The following BLTP3B variants were observed in gnomAD, a reference collection of about 807,000 sequenced individuals.
BLTP3B encodes bridge-like lipid transfer protein family member 3B, also known as UHRF1 (ICBP90) binding protein 1-like.
the BLTP3B span, among the ~76,000 whole-genome samples, chr12:100,071,675 A>C: frequency 6.6e-6 from 1 of 152,200 alleles, no homozygotes; most frequent in East Asian, 1.9e-4. Context: ...GAAGCTTCTA[A>C]AAATAAAAAT....
chr12:100,136,506 A>G, the BLTP3B span, among the ~76,000 whole-genome samples: 7 of 152,256 alleles, frequency 4.6e-5, no homozygotes, highest in African/African-American at 1.7e-4. Context: ...AATGCCCACT[A>G]TGTGGCATAT....
At chr12:100,066,628 C>CT in the BLTP3B span, among the ~76,000 whole-genome samples, 12 of 131,230 alleles carry the variant, frequency 9.1e-5, no homozygotes, top group Admixed American at 8.6e-4. Context: ...CCTGTCTCTA[C>CT]TAAAAAAAAA....
the BLTP3B span, among the ~76,000 whole-genome samples, chr12:100,078,112 T>C: frequency 6.6e-6 from 1 of 152,122 alleles, no homozygotes; most frequent in African/African-American, 2.4e-5. Flanking sequence ...TAATCCCCAG[T>C]ATTGGAGGTG....
the BLTP3B span, among the ~76,000 whole-genome samples, chr12:100,142,210 A>C: frequency 6.6e-6 from 1 of 152,320 alleles, no homozygotes; most frequent in African/African-American, 2.4e-5. Flanking sequence ...ACCGAACTCG[A>C]GTTAGAGCCC....
chr12:100,047,094 A>G, the BLTP3B span, among the ~76,000 whole-genome samples: 8 of 152,204 alleles, frequency 5.3e-5, no homozygotes, highest in South Asian at 1.7e-3. Context: ...GGTGTCCCTC[A>G]ATCTTCCACT....
the BLTP3B span, among the ~76,000 whole-genome samples, chr12:100,118,101 T>C: frequency 2.0e-5 from 3 of 151,538 alleles, no homozygotes; most frequent in African/African-American, 7.3e-5. Context: ...TAATTTTATA[T>C]AAATTTTTGT....
At chr12:100,044,344 T>A in the BLTP3B span, among the ~76,000 whole-genome samples, 1 of 152,210 alleles carries the variant, frequency 6.6e-6, no homozygotes, top group Non-Finnish European at 1.5e-5. Context: ...GTCCTGTCCT[T>A]TCTTCTGTAG....
chr12:100,093,020 C>T, the BLTP3B span: 2 of 932,358 alleles, frequency 2.1e-6, no homozygotes, highest in South Asian at 4.9e-5. Flanking sequence ...TACTTAAAAA[C>T]TTCCACTGGC....
the BLTP3B span, chr12:100,089,240 T>G: frequency 1.4e-6 from 1 of 712,880 alleles, no homozygotes; most frequent in African/African-American, 1.9e-5. Context: ...CCCTAAAATA[T>G]TTTCTGAATT....
chr12:100,130,984 AG>A, the BLTP3B span, among the ~76,000 whole-genome samples: 1 of 42,452 alleles, frequency 2.4e-5, no homozygotes, highest in Non-Finnish European at 4.5e-5. Context: ...AGAGGGAGGG[AG>A]AGAGAGAGAG....
At chr12:100,130,631 T>C in the BLTP3B span, among the ~76,000 whole-genome samples, 5 of 152,118 alleles carry the variant, frequency 3.3e-5, no homozygotes, top group Non-Finnish European at 7.4e-5. Flanking sequence ...AGTAACAAGT[T>C]GGGGCTGGGC....
the BLTP3B span, among the ~76,000 whole-genome samples, chr12:100,083,807 T>C: frequency 6.6e-6 from 1 of 152,228 alleles, no homozygotes; most frequent in African/African-American, 2.4e-5. Context: ...GTGACTATTA[T>C]TGGTTGTATT....
At chr12:100,041,404 C>T in the BLTP3B span, among the ~76,000 whole-genome samples, 1 of 150,568 alleles carries the variant, frequency 6.6e-6, no homozygotes, top group East Asian at 1.9e-4. Flanking sequence ...AATCAGAAAC[C>T]AGACAAGGCT....
At chr12:100,037,823 G>C in the BLTP3B span, 1 of 1,346,886 alleles carries the variant, frequency 7.4e-7, no homozygotes, top group Non-Finnish European at 1.0e-6. Context: ...TATTTATATA[G>C]TATCCAAAGG....
At chr12:100,139,499 T>C in the BLTP3B span, among the ~76,000 whole-genome samples, 4 of 152,176 alleles carry the variant, frequency 2.6e-5, no homozygotes, top group Non-Finnish European at 4.4e-5. Flanking sequence ...ACCCCTCATA[T>C]AAACCCCTGT....
chr12:100,047,338 A>G, the BLTP3B span, among the ~76,000 whole-genome samples: 3 of 152,094 alleles, frequency 2.0e-5, no homozygotes, highest in African/African-American at 7.2e-5. Flanking sequence ...TCTCTACTAA[A>G]AATACAAAAA....
the BLTP3B span, chr12:100,058,380 T>C: frequency 6.2e-7 from 1 of 1,612,754 alleles, no homozygotes; most frequent in Non-Finnish European, 8.5e-7. Context: ...ATCTGATAAA[T>C]AGTCCATAAA....
the BLTP3B span, chr12:100,058,150 T>C: frequency 1.2e-6 from 2 of 1,613,558 alleles, no homozygotes; most frequent in Non-Finnish European, 1.7e-6. Flanking sequence ...ATGGACTCTA[T>C]GGTTTCATTT....
chr12:100,120,148 G>A, the BLTP3B span, among the ~76,000 whole-genome samples: 2,118 of 152,212 alleles, frequency 0.014, 17 homozygotes, highest in Non-Finnish European at 0.021. Context: ...AGGCCTAGGC[G>A]GGCGGATCAC....
Sources: gnomAD v4.1 joint callset for allele counts (sites outside exome capture counted in the v4.1 genomes callset) on GRCh38, gnomAD v4.1.1 for gene constraint, MANE v1.5 for transcripts, NCBI Gene and HGNC (gene_info 2026-07-23, HGNC 2026-07-21) for gene names.